MAGI2: variants seen among roughly 807,000 people sequenced by gnomAD.
MAGI2 encodes membrane-associated guanylate kinase, WW and PDZ domain-containing protein 2.
MAGI2 carries 35 observed loss-of-function variants against 133.3 expected under a neutral mutation model. The ratio of observed to expected loss-of-function variants is 0.26; its 90% CI spans 0.20 to 0.35. MAGI2 has a LOEUF of 0.35. Ranked by LOEUF, MAGI2 falls within the 10% of genes least tolerant of loss-of-function variation. The pLI is 1.00. For synonymous variants in MAGI2, 729 were observed against 710.6 expected (o/e 1.03, Z -0.41); for missense variants, 1,636 against 1,863.4 (o/e 0.88, Z 2.25).
chr7:78,834,703 T>A (rs1791465326), intron 2 of MAGI2, among the ~76,000 whole-genome samples: 1 of 152,162 alleles, frequency 6.6e-6, no homozygotes, highest in South Asian at 2.1e-4. Flanking sequence ...ATAGTTTGGG[T>A]ATTTGTCCCC....
At chr7:79,267,536 T>C (rs1340765959) in intron 1 of MAGI2, among the ~76,000 whole-genome samples, 1 of 152,210 alleles carries the variant, frequency 6.6e-6, no homozygotes, top group Non-Finnish European at 1.5e-5. Context: ...AAGTTTATAA[T>C]AGAACTTGTC....
chr7:78,550,378 A>G (rs1799232395), intron 3 of MAGI2, among the ~76,000 whole-genome samples: 1 of 152,214 alleles, frequency 6.6e-6, no homozygotes, highest in South Asian at 2.1e-4. Flanking sequence ...AAAGGGCGCC[A>G]GTACATCAGG....
At chr7:78,067,013 T>C (rs568316851) in intron 21 of MAGI2, among the ~76,000 whole-genome samples, 1 of 152,324 alleles carries the variant, frequency 6.6e-6, no homozygotes, top group East Asian at 1.9e-4. Flanking sequence ...GTGTTTTTCA[T>C]AGCACGGTGT....
intron 9 of MAGI2, among the ~76,000 whole-genome samples, chr7:78,321,499 G>A (rs1584867683): frequency 1.3e-5 from 2 of 152,236 alleles, no homozygotes; most frequent in African/African-American, 4.8e-5. Flanking sequence ...TGACAAACCT[G>A]ACAAAAACAA....
chr7:79,376,849 G>C (rs1843419368), intron 1 of MAGI2, among the ~76,000 whole-genome samples: 1 of 129,496 alleles, frequency 7.7e-6, no homozygotes, highest in African/African-American at 3.0e-5. Context: ...TGGGTGTATG[G>C]CGTGTGTATT....
intron 2 of MAGI2, among the ~76,000 whole-genome samples, chr7:78,785,789 T>C (rs993220013): frequency 6.6e-6 from 1 of 152,226 alleles, no homozygotes; most frequent in Admixed American, 6.5e-5. Context: ...TTTAAAATGT[T>C]ATGCAATTTT....
At chr7:78,881,179 C>A (rs1330451176) in intron 2 of MAGI2, among the ~76,000 whole-genome samples, 1 of 152,066 alleles carries the variant, frequency 6.6e-6, no homozygotes, top group Non-Finnish European at 1.5e-5. Flanking sequence ...AGAAAACTGA[C>A]AAAGAAATTC....
At chr7:78,062,720 A>C (rs148763638) in intron 21 of MAGI2, among the ~76,000 whole-genome samples, 37 of 152,114 alleles carry the variant, frequency 2.4e-4, no homozygotes, top group Admixed American at 6.5e-4. Context: ...GGACTCCCCA[A>C]ATGCTCCGGC....
intron 1 of MAGI2, among the ~76,000 whole-genome samples, chr7:79,257,222 A>G (rs1186098191): frequency 1.3e-5 from 2 of 152,198 alleles, no homozygotes; most frequent in African/African-American, 2.4e-5. Flanking sequence ...CAATACATAA[A>G]TTATTCATAA....
At chr7:78,929,539 C>T (rs1446480848) in intron 2 of MAGI2, among the ~76,000 whole-genome samples, 1 of 151,996 alleles carries the variant, frequency 6.6e-6, no homozygotes, top group Non-Finnish European at 1.5e-5. Flanking sequence ...ACTCTCTTGC[C>T]TTTGCCTTTT....
intron 2 of MAGI2, among the ~76,000 whole-genome samples, chr7:78,884,973 C>T (rs1796152490): frequency 6.6e-6 from 1 of 152,038 alleles, no homozygotes; most frequent in Non-Finnish European, 1.5e-5. Flanking sequence ...AATATGCAGC[C>T]AAAACAATAG....
chr7:79,368,560 T>C (rs1842864662), intron 1 of MAGI2, among the ~76,000 whole-genome samples: 2 of 152,120 alleles, frequency 1.3e-5, no homozygotes, highest in Non-Finnish European at 2.9e-5. Context: ...TTAAAATGTC[T>C]ATTGTAGGCC....
chr7:78,019,992 A>C lies in MAGI2; in HGVS notation c.3707-16T>G, dbSNP rs1361931268. The stretch of plus-strand genomic sequence containing the variant: ...GCGGGTTCGTCTGTGGACGGGAAGC[A>C]CAGGCGTTAGCAGTGGCGCACGCAG... On this transcript the variant is annotated splice_polypyrimidine_tract_variant and intron_variant, in intron 21 of 21. Transcript: ENST00000354212. 6.3e-7 allele frequency: 1 copy of C among 1,592,864 alleles called. No individual in the cohort carries two copies. Among genetic ancestry groups the C allele is most frequent in the Non-Finnish European group, 8.5e-7 (1 of 1,172,834 alleles).
At chr7:78,948,870 C>T (rs770424642) in intron 2 of MAGI2, among the ~76,000 whole-genome samples, 1 of 151,794 alleles carries the variant, frequency 6.6e-6, no homozygotes, top group Non-Finnish European at 1.5e-5. Context: ...CCATAAGTAC[C>T]CCAGTTTCTC....
chr7:78,856,736 C>A (rs1445901791), intron 2 of MAGI2, among the ~76,000 whole-genome samples: 1 of 152,094 alleles, frequency 6.6e-6, no homozygotes, highest in Non-Finnish European at 1.5e-5. Context: ...GCAATGTGGG[C>A]TCTTTTTTGG....
At chr7:78,371,236 C>G (rs898043744) in intron 6 of MAGI2, among the ~76,000 whole-genome samples, 5 of 151,808 alleles carry the variant, frequency 3.3e-5, no homozygotes, top group Non-Finnish European at 5.9e-5. Context: ...CTATTGAGTG[C>G]CTTTTATAAA....
intron 6 of MAGI2, among the ~76,000 whole-genome samples, chr7:78,391,517 T>G (rs1473002204): frequency 2.0e-5 from 3 of 152,180 alleles, no homozygotes; most frequent in Non-Finnish European, 4.4e-5. Context: ...GAAAGAAACT[T>G]TGTGTGAGGA....
intron 15 of MAGI2, among the ~76,000 whole-genome samples, chr7:78,167,297 T>C (rs1825709256): frequency 6.6e-6 from 1 of 152,218 alleles, no homozygotes; most frequent in Non-Finnish European, 1.5e-5. Context: ...AATCATATTA[T>C]AAATACAAAG....
rs557723752 is a variant in MAGI2, at chr7:79,213,296, G to A, written c.302-206090C>T. Reference sequence around the variant, plus strand: ...TGTGTATATATATATGTGGGTGTACGTGTGTGTATTTACACACACGTACAC... The same window carrying A: ...TGTGTATATATATATGTGGGTGTACATGTGTGTATTTACACACACGTACAC... On this transcript the variant is annotated intron_variant, in intron 1 of 21. Transcript: ENST00000354212. Among the ~76,000 whole-genome samples the A allele has an allele frequency of 1.0e-4, 15 of 149,894 alleles. No homozygotes were observed. In the South Asian group the frequency reaches 2.1e-3, roughly 21 times the overall value.
Sources: gnomAD v4.1 joint callset for allele counts (sites outside exome capture counted in the v4.1 genomes callset) on GRCh38, gnomAD v4.1.1 for gene constraint, MANE v1.5 for transcripts, NCBI Gene and HGNC (gene_info 2026-07-23, HGNC 2026-07-21) for gene names.